ZNF708: variants seen among roughly 807,000 people sequenced by gnomAD.
ZNF708 encodes the protein zinc finger protein 708.
A neutral mutation model predicts 47.0 loss-of-function variants in ZNF708; 44 were observed. The observed-to-expected ratio is 0.94, with a 90% CI of 0.74 to 1.20. The LOEUF (loss-of-function observed/expected upper bound fraction) is 1.20, where lower values mean the gene tolerates loss of function less well. Ranked by LOEUF, ZNF708 falls within the 50% of genes most tolerant of loss-of-function variation. ZNF708 has a pLI of 0.00. For synonymous variants in ZNF708, 184 were observed against 218.5 expected (o/e 0.84, Z 1.39); for missense variants, 557 against 656.0 (o/e 0.85, Z 1.65).
chr19:21,328,074 AC>A, intron 1 of ZNF708: 1 of 970,520 alleles, frequency 1.0e-6, no homozygotes, highest in Non-Finnish European at 1.2e-6. Context: ...GAAACCCAGG[AC>A]CAGGAAAAAA....
At chr19:21,295,315 A>G (rs1424310614) in intron 3 of ZNF708, among the ~76,000 whole-genome samples, 1 of 152,230 alleles carries the variant, frequency 6.6e-6, no homozygotes, top group Non-Finnish European at 1.5e-5. Context: ...TAGAAAAAAC[A>G]CTAACATACT....
chr19:21,305,563 A>G (rs1972746123), intron 3 of ZNF708, among the ~76,000 whole-genome samples: 1 of 150,512 alleles, frequency 6.6e-6, no homozygotes, highest in Non-Finnish European at 1.5e-5. Context: ...GATTCAAGTG[A>G]TTCTCCTGCC....
At chr19:21,319,813 A>G (rs140094996) in intron 1 of ZNF708, among the ~76,000 whole-genome samples, 1 of 152,326 alleles carries the variant, frequency 6.6e-6, no homozygotes, top group Non-Finnish European at 1.5e-5. Context: ...AGATGCTGGC[A>G]AAGTTGCAGA....
intron 3 of ZNF708, among the ~76,000 whole-genome samples, chr19:21,307,222 G>A (rs1972801955): frequency 1.3e-5 from 2 of 151,670 alleles, no homozygotes; most frequent in South Asian, 4.2e-4. Flanking sequence ...CAAGCCCCTT[G>A]TAACCAGCCA....
rs370678667 is a variant in ZNF708, at chr19:21,329,255, C to A, written c.-43G>T. The A allele has an allele frequency of 3.1e-6, 5 of 1,609,566 alleles. No individual in the cohort carries two copies. The African/African-American group carries it at 5.3e-5, about 17-fold the overall frequency. On this transcript the variant is annotated 5_prime_UTR_variant, in exon 1 of 4. Transcript: ENST00000356929. ...GTCCTGGAGTCTTAGCTGTGGATCT[C>A]CCAATACCTGCAGGTCACAGAGCCA...
chr19:21,294,352 A>C lies in ZNF708; in HGVS notation c.614T>G (p.Phe205Cys). The change falls in exon 4 of 4, where the codon TTT (phenylalanine) becomes TGT (cysteine). Residue 205 changes from phenylalanine (F) to cysteine (C), a missense_variant. Transcript: ENST00000356929. ...PYKCEECGKA[F>C]KKSSNLTNHK... is the part of the protein sequence containing the mutation. ...ATTCGTAAGGTTTGAGGACTTTTTA[A>C]AAGCTTTGCCACATTCTTCACATTT... The C allele has an allele frequency of 6.2e-7, 1 of 1,613,342 alleles. No individual in the cohort carries two copies. The highest frequency in any genetic ancestry group is 8.5e-7 in the Non-Finnish European group (1 of 1,179,774).
Position 21,293,176 on chromosome 19 carries a change from A to T in ZNF708, c.*98T>A. 1 of 1,392,984 alleles carries T rather than the reference A, an allele frequency of 7.2e-7. No individual in the cohort carries two copies. Among genetic ancestry groups the T allele is most frequent in the Non-Finnish European group, 9.9e-7 (1 of 1,006,848 alleles). The allele number at this position is 1,392,984 out of a possible 1,614,324, so 86.3% of individuals were successfully genotyped here. On this transcript the variant is annotated 3_prime_UTR_variant, in exon 4 of 4. Coordinates refer to ENST00000356929, the MANE Select transcript of ZNF708 (RefSeq NM_021269.3). ...TTCATAAGGATTAAGAGCCAGTTAA[A>T]GGCTTTGCCACATTTATCACATTTG...
intron 1 of ZNF708, among the ~76,000 whole-genome samples, chr19:21,320,415 G>T (rs528398227): frequency 6.6e-6 from 1 of 152,244 alleles, no homozygotes; most frequent in South Asian, 2.1e-4. Flanking sequence ...GTCGGACAAG[G>T]TGGCTAACAC....
In ZNF708 at chr19:21,294,699, T is replaced by C. The variant is rs772026648; in HGVS notation, c.267A>G (p.Gln89=). 5 of 1,613,410 alleles carry C rather than the reference T, an allele frequency of 3.1e-6. No homozygotes were observed. The South Asian group carries it at 5.5e-5, about 18-fold the overall frequency. ...SHFAKDLRPE[Q]YIKNSFQQVI... Reference sequence around the variant, plus strand: ...CTTGTTGGAAAGAATTTTTTATATATTGCTCTGGCCTAAGGTCTTTGGCAA... The same window carrying C: ...CTTGTTGGAAAGAATTTTTTATATACTGCTCTGGCCTAAGGTCTTTGGCAA... Residue 89 remains glutamine (Q), a synonymous_variant, in exon 4 of 4, where the codon CAA becomes CAG. Transcript: ENST00000356929.
chr19:21,301,664 G>A (rs1463672165), intron 3 of ZNF708, among the ~76,000 whole-genome samples: 1 of 151,994 alleles, frequency 6.6e-6, no homozygotes, highest in African/African-American at 2.4e-5. Context: ...GGGCATGGTG[G>A]CACGTGCCTG....
chr19:21,300,063 G>A (rs1056185293), intron 3 of ZNF708, among the ~76,000 whole-genome samples: 1 of 151,998 alleles, frequency 6.6e-6, no homozygotes, highest in Non-Finnish European at 1.5e-5. Flanking sequence ...TGTAATCCAA[G>A]CACTTTGGGA....
intron 3 of ZNF708, among the ~76,000 whole-genome samples, chr19:21,297,110 G>A (rs1409922733): frequency 6.6e-6 from 1 of 150,820 alleles, no homozygotes; most frequent in Non-Finnish European, 1.5e-5. Flanking sequence ...TCCAGCCTGG[G>A]TGACAGAGCA....
intron 3 of ZNF708, among the ~76,000 whole-genome samples, chr19:21,307,412 T>A (rs1489498408): frequency 1.3e-4 from 19 of 151,762 alleles, no homozygotes. Flanking sequence ...GATCACAAGG[T>A]CAGGAGTTCA....
chr19:21,329,266 C>T lies in ZNF708; in HGVS notation c.-54G>A. 6.2e-7 allele frequency: 1 copy of T among 1,607,222 alleles called. No homozygotes were observed. ...TTAGCTGTGGATCTCCCAATACCTG[C>T]AGGTCACAGAGCCACAGAGTCTGGG... On this transcript the variant is annotated 5_prime_UTR_variant, in exon 1 of 4. Transcript: ENST00000356929.
chr19:21,326,009 T>A (rs554168798), intron 1 of ZNF708, among the ~76,000 whole-genome samples: 5 of 152,106 alleles, frequency 3.3e-5, no homozygotes, highest in Non-Finnish European at 7.4e-5. Context: ...AAAACCACAA[T>A]GCGATACCAC....
At chr19:21,329,189 G>A (rs747707838) in intron 1 of ZNF708, 21 bp downstream of exon 1, 6 of 1,612,118 alleles carry the variant, frequency 3.7e-6, no homozygotes, top group Non-Finnish European at 5.1e-6. Context: ...CCTCTCTCGG[G>A]ATGTCGGACG....
intron 1 of ZNF708, among the ~76,000 whole-genome samples, chr19:21,313,503 T>C (rs1972943173): frequency 6.6e-6 from 1 of 151,986 alleles, no homozygotes; most frequent in East Asian, 1.9e-4. Flanking sequence ...TTCATGCTTG[T>C]AATCCCAGCA....
intron 1 of ZNF708, among the ~76,000 whole-genome samples, chr19:21,311,546 T>C (rs895112769): frequency 6.6e-6 from 1 of 152,170 alleles, no homozygotes; most frequent in African/African-American, 2.4e-5. Context: ...ATCAGTTCTG[T>C]GCAAAGTTCA....
At position 21,294,005 on chromosome 19, in the gene ZNF708, A is replaced by C. The variant is rs146185092; in HGVS notation, c.961T>G (p.Ser321Ala). The C allele has an allele frequency of 7.1e-3, 11,525 of 1,613,568 alleles. 55 individuals carry two copies. Among genetic ancestry groups the C allele is most frequent in the Middle Eastern group, 0.012 (71 of 6,052 alleles). Residue 321 changes from serine to alanine, a missense_variant, in exon 4 of 4, where the codon TCA becomes GCA. Physicochemically the swap from Ser to Ala is moderately conservative, Grantham distance 99. Coordinates refer to ENST00000356929, the MANE Select transcript of ZNF708 (RefSeq NM_021269.3). ...ATCCTCTTATGTGTAGTAAGGTGTG[A>C]AGATAGGGTAAAGGCTTTGCCACAT... ...GECGKAFTLS[S>A]HLTTHKRIHT...
Sources: allele counts gnomAD v4.1 joint callset (sites outside exome capture counted in the v4.1 genomes callset), GRCh38; gene constraint gnomAD v4.1.1; transcripts MANE v1.5; gene names NCBI Gene and HGNC (gene_info 2026-07-23, HGNC 2026-07-21).